The following MYO16 variants were observed in gnomAD, a reference collection of about 807,000 sequenced individuals.
MYO16 encodes unconventional myosin-XVI.
A neutral mutation model predicts 205.3 loss-of-function variants in MYO16; 94 were observed. That is an observed-to-expected ratio of 0.46 (90% CI 0.39 to 0.54). The LOEUF (loss-of-function observed/expected upper bound fraction) is 0.54, where lower values mean the gene tolerates loss of function less well. Ranked by LOEUF, MYO16 falls within the 20% of genes least tolerant of loss-of-function variation. The pLI is 0.00. For missense variants in MYO16, 2,315 were observed against 2,387.5 expected, an observed-to-expected ratio of 0.97 and a Z score of 0.63; for synonymous variants, 988 against 954.0, an observed-to-expected ratio of 1.04 and a Z score of -0.66.
At chr13:109,101,210 T>G (rs1308433118) in intron 28 of MYO16, 2 of 214,686 alleles carry the variant, frequency 9.3e-6, no homozygotes, top group African/African-American at 4.5e-5. Context: ...ATAGCAGGAG[T>G]CAGAGGAGCC....
intron 10 of MYO16, among the ~76,000 whole-genome samples, chr13:108,848,076 C>T (rs998128395): frequency 6.6e-6 from 1 of 152,158 alleles, no homozygotes; most frequent in African/African-American, 2.4e-5. Context: ...CATAGCCTTA[C>T]TGAGCCTCAT....
At chr13:109,173,818 G>T (rs1325160952) in intron 33 of MYO16, among the ~76,000 whole-genome samples, 1 of 145,428 alleles carries the variant, frequency 6.9e-6, no homozygotes, top group Non-Finnish European at 1.5e-5. Flanking sequence ...AACCTGGGAG[G>T]CAGAGCTTGC....
intron 27 of MYO16, among the ~76,000 whole-genome samples, chr13:109,086,628 A>G (rs1436956680): frequency 1.3e-5 from 2 of 152,130 alleles, no homozygotes; most frequent in Non-Finnish European, 2.9e-5. Context: ...TTTTCTTATC[A>G]TTTGGACCTA....
At chr13:108,661,924 G>A (rs1881519363) in intron 1 of MYO16, among the ~76,000 whole-genome samples, 1 of 152,186 alleles carries the variant, frequency 6.6e-6, no homozygotes, top group South Asian at 2.1e-4. Context: ...TCTGTCAGAG[G>A]AAAGGTCTAG....
Position 109,141,351 on chromosome 13 carries a change from G to A in MYO16, c.5139G>A (p.Ala1713=). The A allele has an allele frequency of 1.9e-6, 3 of 1,544,910 alleles. No homozygotes were observed. Among genetic ancestry groups the A allele is most frequent in the Non-Finnish European group, 2.6e-6 (3 of 1,149,638 alleles). ...GGAGTGTGCTTCGGAAATCCGCGGC[G>A]GGAAGAAAAATCAGGGAAGCAGAAG... is the stretch of plus-strand genomic sequence containing the variant. ...SGRSVLRKSA[A]GRKIREAEGF... The change falls in exon 32 of 35, where the codon GCG becomes GCA. Residue 1713 remains alanine, a synonymous_variant. Coordinates refer to ENST00000457511, the MANE Select transcript of MYO16 (RefSeq NM_001198950.3). This position sits in a 1 kb window ranked among gnomAD's most constrained non-coding sequence, Gnocchi z 4.1.
chr13:108,825,591 A>AAAT (rs1166557386), intron 9 of MYO16, among the ~76,000 whole-genome samples: 1 of 151,490 alleles, frequency 6.6e-6, no homozygotes. Context: ...ATAAATAAAT[A>AAAT]AATAAATAAA....
chr13:108,936,658 CT>C (rs1882504775), intron 16 of MYO16, among the ~76,000 whole-genome samples: 1 of 151,766 alleles, frequency 6.6e-6, no homozygotes, highest in South Asian at 2.1e-4. Flanking sequence ...TTTTGTTTTG[CT>C]TTATTTTCCA....
intron 32 of MYO16, among the ~76,000 whole-genome samples, chr13:109,146,926 A>T (rs1877364154): frequency 6.6e-6 from 1 of 151,744 alleles, no homozygotes; most frequent in Admixed American, 6.6e-5. Flanking sequence ...TAAATATTTT[A>T]TCATAGATGT....
chr13:108,972,827 A>G (rs1249126856), intron 20 of MYO16, among the ~76,000 whole-genome samples: 1 of 151,972 alleles, frequency 6.6e-6, no homozygotes, highest in Non-Finnish European at 1.5e-5. Context: ...GATATTTCCT[A>G]AACGGTAGGG....
At chr13:109,199,221 T>G in intron 34 of MYO16, among the ~76,000 whole-genome samples, 1 of 100,702 alleles carries the variant, frequency 9.9e-6, no homozygotes, top group South Asian at 3.6e-4. Flanking sequence ...TATATATATA[T>G]ATATATATAT....
At chr13:108,986,736 C>G (rs34211070) in intron 20 of MYO16, among the ~76,000 whole-genome samples, 9,889 of 151,608 alleles carry the variant, frequency 0.065, 397 homozygotes, top group Non-Finnish European at 0.095. Flanking sequence ...CTTCTCACTA[C>G]TACAGTTATT....
chr13:108,974,812 G>A (rs56889109), intron 20 of MYO16, among the ~76,000 whole-genome samples: 3,516 of 152,176 alleles, frequency 0.023, 121 homozygotes, highest in African/African-American at 0.079. Flanking sequence ...TATTTCTCAA[G>A]GATCTTGGTC....
At chr13:108,703,908 T>G (rs989266361) in intron 2 of MYO16, among the ~76,000 whole-genome samples, 3 of 152,214 alleles carry the variant, frequency 2.0e-5, no homozygotes, top group African/African-American at 2.4e-5. Context: ...GGCCAATAAG[T>G]TAAAAAGAGG....
chr13:108,952,993 G>A (rs1883214455), intron 16 of MYO16, among the ~76,000 whole-genome samples: 1 of 152,160 alleles, frequency 6.6e-6, no homozygotes, highest in Admixed American at 6.5e-5. Context: ...ACTGTGTTGA[G>A]ATTAGTGGGA....
chr13:109,184,057 G>A (rs1879570569), intron 34 of MYO16, among the ~76,000 whole-genome samples: 2 of 151,994 alleles, frequency 1.3e-5, no homozygotes, highest in Admixed American at 1.3e-4. Context: ...ATTATAGCAT[G>A]GAATTAAAAC....
chr13:108,745,965 A>T (rs1885047372), intron 4 of MYO16, among the ~76,000 whole-genome samples: 1 of 152,130 alleles, frequency 6.6e-6, no homozygotes, highest in Admixed American at 6.5e-5. Flanking sequence ...AGGCGGGCAG[A>T]TCACGAGGTC....
chr13:108,872,702 A>C (rs1879127840), intron 12 of MYO16, among the ~76,000 whole-genome samples: 1 of 151,694 alleles, frequency 6.6e-6, no homozygotes, highest in African/African-American at 2.4e-5. Flanking sequence ...ATTTTATAAA[A>C]TGAATTTGCA....
chr13:108,610,351 T>C (rs151317924), intron 1 of MYO16, among the ~76,000 whole-genome samples: 2 of 152,308 alleles, frequency 1.3e-5, no homozygotes, highest in East Asian at 3.9e-4. Context: ...ATTTCCTCTC[T>C]TGGGCTCTTT....
chr13:108,715,466 C>T (rs1203686498), intron 3 of MYO16, among the ~76,000 whole-genome samples: 3 of 152,126 alleles, frequency 2.0e-5, no homozygotes, highest in Non-Finnish European at 4.4e-5. Context: ...TTTCTATTTC[C>T]TAGAATGTTA....
Sources: gnomAD v4.1 joint callset for allele counts (sites outside exome capture counted in the v4.1 genomes callset) on GRCh38, gnomAD v4.1.1 for gene constraint, Gnocchi (gnomAD v3.1) non-coding constraint, MANE v1.5 for transcripts, NCBI Gene and HGNC (gene_info 2026-07-23, HGNC 2026-07-21) for gene names.